KCTD16: variants seen among roughly 807,000 people sequenced by gnomAD.
KCTD16 encodes the protein BTB/POZ domain-containing protein KCTD16.
KCTD16 carries 13 observed loss-of-function variants against 33.2 expected under a neutral mutation model. The ratio of observed to expected loss-of-function variants is 0.39; its 90% CI spans 0.25 to 0.62. The LOEUF is 0.62. KCTD16 is among the 20% of genes least tolerant of loss of function. KCTD16 has a pLI of 0.50. For missense variants in KCTD16, 441 were observed against 525.1 expected, an observed-to-expected ratio of 0.84 and a Z score of 1.57; for synonymous variants, 197 against 195.3, an observed-to-expected ratio of 1.01 and a Z score of -0.07.
At chr5:144,356,766 A>G (rs559702485) in intron 3 of KCTD16, among the ~76,000 whole-genome samples, 1 of 152,056 alleles carries the variant, frequency 6.6e-6, no homozygotes, top group Non-Finnish European at 1.5e-5. Context: ...CCCAACACCT[A>G]ATGCTGAAAA....
At position 144,184,585 on chromosome 5, in the gene KCTD16, A is replaced by G. The variant is rs976983112; in HGVS notation, c.-327+10113A>G. ...TATTTCTAATTTTTGAGAAACTGCC[A>G]TACTGTTTTCTATAGTGGCAACACC... is the stretch of plus-strand genomic sequence containing the variant. On this transcript the variant is annotated intron_variant, in intron 2 of 3. Coordinates refer to ENST00000512467, the MANE Select transcript of KCTD16 (RefSeq NM_020768.4). 2.6e-5 allele frequency among the ~76,000 whole-genome samples: 4 copies of G among 152,324 alleles called. No homozygotes were observed. In the East Asian group the frequency reaches 5.8e-4, roughly 22 times the overall value.
intron 3 of KCTD16, among the ~76,000 whole-genome samples, chr5:144,363,209 G>A (rs1751755459): frequency 6.6e-6 from 1 of 152,124 alleles, no homozygotes; most frequent in Admixed American, 6.5e-5. Context: ...AGACATGGTG[G>A]CAGGCACCTG....
chr5:144,232,996 C>T (rs1754149428), intron 3 of KCTD16, among the ~76,000 whole-genome samples: 1 of 152,010 alleles, frequency 6.6e-6, no homozygotes, highest in South Asian at 2.1e-4. Context: ...TCATGTTGCT[C>T]GTGGACATCC....
chr5:144,350,087 C>T (rs923798887), intron 3 of KCTD16, among the ~76,000 whole-genome samples: 4 of 152,220 alleles, frequency 2.6e-5, no homozygotes, highest in Admixed American at 2.0e-4. Flanking sequence ...GTTTGGGCCA[C>T]AGGCTCGCTA....
intron 3 of KCTD16, among the ~76,000 whole-genome samples, chr5:144,458,477 T>C (rs1462451682): frequency 6.6e-6 from 1 of 151,548 alleles, no homozygotes; most frequent in Non-Finnish European, 1.5e-5. Flanking sequence ...TCGCAGAGGC[T>C]GTTGTTCTAT....
chr5:144,360,913 T>C (rs1419794724), intron 3 of KCTD16, among the ~76,000 whole-genome samples: 1 of 151,964 alleles, frequency 6.6e-6, no homozygotes, highest in Non-Finnish European at 1.5e-5. Flanking sequence ...TTATTATTAT[T>C]ATTATTATAC....
intron 3 of KCTD16, among the ~76,000 whole-genome samples, chr5:144,368,874 A>G (rs1751899111): frequency 2.6e-5 from 4 of 152,228 alleles, no homozygotes. Flanking sequence ...ATCAAGGCTC[A>G]GATACGCTAA....
chr5:144,400,191 AC>A (rs1752671026), intron 3 of KCTD16, among the ~76,000 whole-genome samples: 1 of 152,222 alleles, frequency 6.6e-6, no homozygotes, highest in Admixed American at 6.5e-5. Flanking sequence ...TGCCTGCTGG[AC>A]AGAGGAAGTA....
intron 3 of KCTD16, among the ~76,000 whole-genome samples, chr5:144,272,842 A>C (rs1755337762): frequency 6.6e-6 from 1 of 152,188 alleles, no homozygotes; most frequent in African/African-American, 2.4e-5. Context: ...AAATGGAAAA[A>C]AGATCTAAAT....
chr5:144,354,199 A>G (rs1009967808), intron 3 of KCTD16, among the ~76,000 whole-genome samples: 1 of 152,292 alleles, frequency 6.6e-6, no homozygotes, highest in Non-Finnish European at 1.5e-5. Context: ...CACTTAATAT[A>G]TCATAGACTT....
chr5:144,339,383 T>C (rs1223759103), intron 3 of KCTD16, among the ~76,000 whole-genome samples: 2 of 152,184 alleles, frequency 1.3e-5, no homozygotes, highest in Non-Finnish European at 2.9e-5. Context: ...ATTCGATCAC[T>C]GCCCTCTCTC....
intron 3 of KCTD16, among the ~76,000 whole-genome samples, chr5:144,359,571 T>C (rs1751656352): frequency 6.6e-6 from 1 of 151,800 alleles, no homozygotes. Flanking sequence ...CTTCTATCTC[T>C]AGAACAATGA....
chr5:144,258,903 T>A (rs1414980426), intron 3 of KCTD16, among the ~76,000 whole-genome samples: 2 of 152,054 alleles, frequency 1.3e-5, no homozygotes, highest in Admixed American at 1.3e-4. Context: ...TGTGTGTCTG[T>A]CTCAAAATCC....
At chr5:144,438,103 T>A (rs1346722488) in intron 3 of KCTD16, among the ~76,000 whole-genome samples, 1 of 152,192 alleles carries the variant, frequency 6.6e-6, no homozygotes, top group Non-Finnish European at 1.5e-5. Context: ...TAAAATTAAT[T>A]TTATGCACTT....
At chr5:144,260,228 T>C (rs1487866037) in intron 3 of KCTD16, among the ~76,000 whole-genome samples, 2 of 152,318 alleles carry the variant, frequency 1.3e-5, no homozygotes, top group African/African-American at 2.4e-5. Flanking sequence ...GCAGTATTCA[T>C]GTAACTGGGA....
intron 3 of KCTD16, among the ~76,000 whole-genome samples, chr5:144,412,822 G>T (rs567884758): frequency 1.2e-3 from 184 of 152,270 alleles, no homozygotes; most frequent in Non-Finnish European, 2.2e-3. Flanking sequence ...GGAGGCAAAG[G>T]CTGCAGTGAG....
chr5:144,336,246 C>T (rs184287020), intron 3 of KCTD16, among the ~76,000 whole-genome samples: 14 of 152,312 alleles, frequency 9.2e-5, no homozygotes, highest in South Asian at 6.2e-4. Flanking sequence ...GTTCCAGACA[C>T]GGCTTCTGAC....
At chr5:144,220,129 G>A (rs1230421504) in intron 3 of KCTD16, among the ~76,000 whole-genome samples, 2 of 152,034 alleles carry the variant, frequency 1.3e-5, no homozygotes, top group South Asian at 4.2e-4. Context: ...CCCACCTCGA[G>A]GGATTTGTCT....
intron 3 of KCTD16, among the ~76,000 whole-genome samples, chr5:144,459,824 CTT>C (rs70995051): frequency 3.7e-3 from 248 of 66,676 alleles, no homozygotes; most frequent in African/African-American, 8.1e-3. Flanking sequence ...CCAATATCAT[CTT>C]TTTTTTTTTT....
Sources: gnomAD v4.1 joint callset for allele counts (sites outside exome capture counted in the v4.1 genomes callset) on GRCh38, gnomAD v4.1.1 for gene constraint, MANE v1.5 for transcripts, NCBI Gene and HGNC (gene_info 2026-07-23, HGNC 2026-07-21) for gene names.